Variants in DNAJC3 observed in about 807,000 individuals in gnomAD.
The protein encoded by DNAJC3 is dnaJ homolog subfamily C member 3.
In DNAJC3, 38 loss-of-function variants were observed where a neutral mutation model predicts 68.6. That is an observed-to-expected ratio of 0.55 (90% CI 0.43 to 0.73). DNAJC3 has a LOEUF of 0.73. DNAJC3 is among the 30% of genes least tolerant of loss of function. The probability of loss-of-function intolerance (pLI) is 0.00; values close to 1 mark genes in which losing one functional copy is unlikely to be tolerated. For missense variants in DNAJC3, 526 were observed against 591.9 expected (o/e 0.89, Z 1.16); for synonymous variants, 203 against 204.0 (o/e 1.00, Z 0.04).
chr13:95,725,128 T>C, intron 3 of DNAJC3, 50 bp from the exon 4 acceptor site: 1 of 1,290,814 alleles, frequency 7.7e-7, no homozygotes, highest in Non-Finnish European at 1.0e-6. Flanking sequence ...TTAAAAAAGA[T>C]TTAGAAATCT....
intron 1 of DNAJC3, chr13:95,692,634 A>C (rs185880896): frequency 6.6e-6 from 1 of 152,278 alleles, no homozygotes; most frequent in Non-Finnish European, 1.5e-5. Context: ...AATAGAAAAT[A>C]GTGTATTAAT....
intron 4 of DNAJC3, among the ~76,000 whole-genome samples, chr13:95,727,037 T>G (rs552673713): frequency 6.6e-6 from 1 of 152,288 alleles, no homozygotes; most frequent in East Asian, 1.9e-4. Context: ...GGCTGAAGAC[T>G]GGGTGGTGGG....
At chr13:95,688,968 G>GCGCA (rs1880150742) in intron 1 of DNAJC3, among the ~76,000 whole-genome samples, 1 of 149,920 alleles carries the variant, frequency 6.7e-6, no homozygotes, top group African/African-American at 2.5e-5. Flanking sequence ...GTGTGTGTGC[G>GCGCA]CGCTGTTGGA....
At chr13:95,704,891 G>A (rs185634469) in intron 1 of DNAJC3, among the ~76,000 whole-genome samples, 14 of 106,974 alleles carry the variant, frequency 1.3e-4, no homozygotes, top group South Asian at 1.2e-3. Flanking sequence ...TCGCAGTGTC[G>A]CCCAGGCTGG....
chr13:95,697,697 T>C (rs756905619), intron 1 of DNAJC3, among the ~76,000 whole-genome samples: 13 of 152,124 alleles, frequency 8.5e-5, no homozygotes, highest in Non-Finnish European at 1.5e-4. Context: ...TTCAAAGGCT[T>C]TGTTTGATTT....
chr13:95,700,958 T>C (rs17886542), intron 1 of DNAJC3, among the ~76,000 whole-genome samples: 2,602 of 152,308 alleles, frequency 0.017, 80 homozygotes, highest in African/African-American at 0.06. Flanking sequence ...GAGAGCTAGC[T>C]GAAATACTAG....
chr13:95,700,750 G>A (rs1350991302), intron 1 of DNAJC3, among the ~76,000 whole-genome samples: 2 of 152,130 alleles, frequency 1.3e-5, no homozygotes, highest in Non-Finnish European at 2.9e-5. Context: ...CTAGCCTGTT[G>A]ATATAAGTCA....
At chr13:95,755,729 C>G (rs977265729) in intron 4 of DNAJC3, among the ~76,000 whole-genome samples, 4 of 133,506 alleles carry the variant, frequency 3.0e-5, no homozygotes, top group Non-Finnish European at 6.1e-5. Context: ...TGCACTCCAG[C>G]CTAGGTGACA....
intron 9 of DNAJC3, among the ~76,000 whole-genome samples, chr13:95,783,099 A>T (rs764354275): frequency 6.6e-6 from 1 of 151,694 alleles, no homozygotes; most frequent in Non-Finnish European, 1.5e-5. Flanking sequence ...TTTTTTGTCT[A>T]TTGGGTGTTT....
At chr13:95,751,447 T>C (rs10450822) in intron 4 of DNAJC3, among the ~76,000 whole-genome samples, 2,608 of 152,260 alleles carry the variant, frequency 0.017, 76 homozygotes, top group African/African-American at 0.06. Context: ...GTTGGGCCAG[T>C]TGTTTACTGT....
chr13:95,679,422 T>G (rs1038149521), intron 1 of DNAJC3, among the ~76,000 whole-genome samples: 10 of 152,090 alleles, frequency 6.6e-5, no homozygotes, highest in African/African-American at 2.4e-4. Flanking sequence ...GAACCACTGG[T>G]GTAATAAATT....
At chr13:95,771,469 G>A (rs1883157620) in intron 9 of DNAJC3, among the ~76,000 whole-genome samples, 1 of 152,118 alleles carries the variant, frequency 6.6e-6, no homozygotes, top group Non-Finnish European at 1.5e-5. Flanking sequence ...GCAGAGTTGG[G>A]GGTCAGTGGG....
In DNAJC3 at chr13:95,677,221, C is replaced by T; in HGVS notation, c.-35C>T. On this transcript the variant is annotated 5_prime_UTR_variant, in exon 1 of 12. Coordinates refer to ENST00000602402, the MANE Select transcript of DNAJC3 (RefSeq NM_006260.5). ...CGCCGGCGCGTGCTGGTGGGCCACA[C>T]ACCTTTCCTCCTCTTCACTCGCGAG... The T allele has an allele frequency of 1.3e-6, 2 of 1,588,378 alleles. No homozygotes were observed. The highest frequency in any genetic ancestry group is 1.7e-6 in the Non-Finnish European group (2 of 1,169,036).
chr13:95,684,609 G>C (rs1313405393), intron 1 of DNAJC3, among the ~76,000 whole-genome samples: 2 of 152,204 alleles, frequency 1.3e-5, no homozygotes, highest in African/African-American at 4.8e-5. Context: ...GCCAAGTGCT[G>C]ATAGCCAAGA....
chr13:95,753,385 G>C (rs528494383), intron 4 of DNAJC3, among the ~76,000 whole-genome samples: 238 of 151,946 alleles, frequency 1.6e-3, no homozygotes, highest in African/African-American at 5.5e-3. Context: ...TTTTAACAAA[G>C]ACTGCAGAAA....
intron 9 of DNAJC3, among the ~76,000 whole-genome samples, chr13:95,764,683 T>TAC (rs1555328231): frequency 0.044 from 3,820 of 87,352 alleles, 193 homozygotes; most frequent in East Asian, 0.094. Context: ...TATATATATA[T>TAC]ACACACACAC....
chr13:95,757,094 T>G (rs1215584448), intron 4 of DNAJC3, among the ~76,000 whole-genome samples: 3 of 151,814 alleles, frequency 2.0e-5, no homozygotes, highest in Non-Finnish European at 4.4e-5. Flanking sequence ...TCATGCACCT[T>G]TTAGTAAGGT....
At chr13:95,701,857 T>C (rs1000354644) in intron 1 of DNAJC3, among the ~76,000 whole-genome samples, 4 of 152,220 alleles carry the variant, frequency 2.6e-5, no homozygotes, top group African/African-American at 9.6e-5. Context: ...ATTCCCCCAT[T>C]ATAACACTAT....
At chr13:95,773,029 A>G (rs1394544751) in intron 9 of DNAJC3, among the ~76,000 whole-genome samples, 1 of 151,690 alleles carries the variant, frequency 6.6e-6, no homozygotes, top group Non-Finnish European at 1.5e-5. Context: ...AAAGAGTCAT[A>G]TAAGATTGGT....
Sources: gnomAD v4.1 joint callset for allele counts (sites outside exome capture counted in the v4.1 genomes callset) on GRCh38, gnomAD v4.1.1 for gene constraint, MANE v1.5 for transcripts, NCBI Gene and HGNC (gene_info 2026-07-23, HGNC 2026-07-21) for gene names.